The following UBR4 variants were observed in gnomAD, a reference collection of about 807,000 sequenced individuals.
The protein encoded by UBR4 is ubiquitin protein ligase E3 component n-recognin 4.
In UBR4, 124 loss-of-function variants were observed where a neutral mutation model predicts 575.6. The observed-to-expected ratio is 0.22, with a 90% CI of 0.19 to 0.25. The LOEUF (loss-of-function observed/expected upper bound fraction) is 0.25, where lower values mean the gene tolerates loss of function less well. UBR4 is among the 10% of genes least tolerant of loss of function. The pLI, the probability that UBR4 is intolerant of heterozygous loss-of-function variation, is 1.00. For missense variants in UBR4, 4,818 were observed against 6,478.8 expected, an observed-to-expected ratio of 0.74 and a Z score of 8.80; for synonymous variants, 2,455 against 2,473.7, an observed-to-expected ratio of 0.99 and a Z score of 0.22.
intron 20 of UBR4, among the ~76,000 whole-genome samples, chr1:19,175,804 T>G (rs2090183500): frequency 6.6e-6 from 1 of 152,150 alleles, no homozygotes; most frequent in African/African-American, 2.4e-5. Context: ...GTTTTTATGT[T>G]TTTTTTGAGA....
At chr1:19,098,915 G>A (rs6426672) in intron 90 of UBR4, among the ~76,000 whole-genome samples, 1,780 of 152,190 alleles carry the variant, frequency 0.012, 24 homozygotes, top group African/African-American at 0.038. Flanking sequence ...AGAAACAAGA[G>A]AAGGGAAGAA....
chr1:19,195,016 T>C (rs1354783532), intron 8 of UBR4, among the ~76,000 whole-genome samples: 1 of 151,626 alleles, frequency 6.6e-6, no homozygotes, highest in Non-Finnish European at 1.5e-5. Flanking sequence ...ATCCCAGCAC[T>C]TTAGGAGGCC....
At chr1:19,177,925 G>A (rs895489222) in intron 18 of UBR4, among the ~76,000 whole-genome samples, 182 bp from the exon 19 acceptor site, 1 of 152,166 alleles carries the variant, frequency 6.6e-6, no homozygotes, top group Non-Finnish European at 1.5e-5. Flanking sequence ...AAAAAAGTCA[G>A]ACTTGGCCAG....
At chr1:19,127,993 T>TAAGAA (rs1440242310) in intron 62 of UBR4, among the ~76,000 whole-genome samples, 1 of 152,176 alleles carries the variant, frequency 6.6e-6, no homozygotes, top group African/African-American at 2.4e-5. Flanking sequence ...GCCATGAGGG[T>TAAGAA]AAGAACTTCA....
chr1:19,157,887 C>A lies in UBR4; in HGVS notation c.5688G>T (p.Arg1896=). Reference sequence around the variant, plus strand: ...GAGAGGAGAGCACACACATAGCCACCCGCCTGAGCACATGAGCACTGATCA... The same window carrying A: ...GAGAGGAGAGCACACACATAGCCACACGCCTGAGCACATGAGCACTGATCA... ...RQLISAHVLR[R]VAMCVLSSPH... The change falls in exon 40 of 106, where the codon CGG becomes CGT. Residue 1896 remains arginine (R), a synonymous_variant. Coordinates refer to ENST00000375254, the MANE Select transcript of UBR4 (RefSeq NM_020765.3). The surrounding 1 kb of genome is among the most constrained non-coding windows in gnomAD (Gnocchi z 4.4). 6.2e-7 allele frequency: 1 copy of A among 1,614,234 alleles called. No homozygotes were observed.
intron 31 of UBR4, 52 bp from the exon 32 acceptor site, chr1:19,165,049 A>G (rs748437143): frequency 2.5e-6 from 4 of 1,599,128 alleles, no homozygotes; most frequent in Non-Finnish European, 3.4e-6. Context: ...AGAGGAAGAG[A>G]AAGAAGGGGC....
intron 14 of UBR4, 62 bp downstream of exon 14, chr1:19,186,478 T>C: frequency 6.9e-7 from 1 of 1,455,720 alleles, no homozygotes; most frequent in Non-Finnish European, 9.5e-7. Context: ...AGGAATCTGC[T>C]GAGAACACTC....
chr1:19,074,721 G>A lies in UBR4; in HGVS notation c.*111C>T. On this transcript the variant is annotated 3_prime_UTR_variant, in exon 106 of 106. Coordinates refer to ENST00000375254, the MANE Select transcript of UBR4 (RefSeq NM_020765.3). ...ACCAAGAAAAATGAGAGAGGGGAGG[G>A]CGGGGTAACAATGCAGCATCCCGCG... The A allele has an allele frequency of 8.1e-7, 1 of 1,235,080 alleles. No homozygotes were observed. The highest frequency in any genetic ancestry group is 1.2e-6 in the Non-Finnish European group (1 of 860,614). The allele number at this position is 1,235,080 out of a possible 1,614,324, so 76.5% of individuals were successfully genotyped here. A position where few individuals can be genotyped will look rare whatever the true frequency, so the allele number is the denominator to read the frequency against.
At chr1:19,162,175 A>C (rs1412796301) in intron 35 of UBR4, among the ~76,000 whole-genome samples, 1 of 152,202 alleles carries the variant, frequency 6.6e-6, no homozygotes, top group Non-Finnish European at 1.5e-5. Flanking sequence ...CTAAAATTCC[A>C]TTTGGAATTA....
Position 19,155,620 on chromosome 1 carries a change from G to A in UBR4, c.6121C>T (p.Leu2041=), listed in dbSNP as rs769474522. 6 of 1,614,138 alleles carry A rather than the reference G, an allele frequency of 3.7e-6. No individual in the cohort carries two copies. In the Admixed American group the frequency reaches 5.0e-5, roughly 13 times the overall value. ...ACATCTCTTATCTTTGAGCTTGGCAGGAGAAAATAGAAGGTTGGACTCAAG... is the reference window on the plus strand; with the variant it reads ...ACATCTCTTATCTTTGAGCTTGGCAAGAGAAAATAGAAGGTTGGACTCAAG... The part of the protein sequence containing the change: ...DALSPTFYFL[L]PSSKIRDVTF... The change falls in exon 43 of 106, where the codon CTG becomes TTG. Residue 2041 remains leucine, a synonymous_variant. Transcript: ENST00000375254.
At chr1:19,177,426 A>T in intron 19 of UBR4, 35 bp downstream of exon 19, 1 of 1,602,432 alleles carries the variant, frequency 6.2e-7, no homozygotes, top group Non-Finnish European at 8.5e-7. Flanking sequence ...AGTTCTCAGT[A>T]ATGGTGAAGC....
At chr1:19,161,793 C>A in intron 36 of UBR4, 34 bp downstream of exon 36, 2 of 1,614,086 alleles carry the variant, frequency 1.2e-6, no homozygotes, top group Non-Finnish European at 1.7e-6. Context: ...CGGTGCCCAG[C>A]AAATCTTCAC....
Position 19,104,384 on chromosome 1 carries a change from G to T in UBR4, c.12728-127C>A, listed in dbSNP as rs746818556. The T allele has an allele frequency of 3.9e-6, 5 of 1,296,380 alleles. 1 individual carries two copies. Among genetic ancestry groups the T allele is most frequent in the African/African-American group, 1.5e-5 (1 of 67,538 alleles). 80.3% of individuals were successfully genotyped at this position (1,296,380 alleles called of 1,614,324 possible). A position where few individuals can be genotyped will look rare whatever the true frequency, so the allele number is the denominator to read the frequency against. The stretch of plus-strand genomic sequence containing the variant: ...TATCTTTGTGCATGGCACAGAGCAG[G>T]TGTTCAACAAGCGGAAACAGTCAAT... On this transcript the variant is annotated intron_variant, in intron 86 of 105. Transcript: ENST00000375254.
intron 71 of UBR4, 162 bp downstream of exon 71, chr1:19,118,710 G>T: frequency 1.5e-6 from 1 of 665,206 alleles, no homozygotes. Context: ...CCTTCTATTT[G>T]CAAGACCCTG....
At chr1:19,135,722 G>A (rs1392929521) in intron 60 of UBR4, among the ~76,000 whole-genome samples, 1 of 152,008 alleles carries the variant, frequency 6.6e-6, no homozygotes, top group Non-Finnish European at 1.5e-5. Flanking sequence ...AGAATATGAT[G>A]GTCTCACATC....
In UBR4 at chr1:19,089,885, A is replaced by G. The variant is rs541733187; in HGVS notation, c.14212-908T>C. 6.6e-6 allele frequency among the ~76,000 whole-genome samples: 1 copy of G among 151,996 alleles called. No homozygotes were observed. Among genetic ancestry groups the G allele is most frequent in the East Asian group, 1.9e-4 (1 of 5,168 alleles). On this transcript the variant is annotated intron_variant, in intron 97 of 105. Coordinates refer to ENST00000375254, the MANE Select transcript of UBR4 (RefSeq NM_020765.3). The surrounding 1 kb of genome is among the most constrained non-coding windows in gnomAD (Gnocchi z 4.3). ...TCCTAAATGCTGAGCCCATATTTCA[A>G]CTCCTACTGAGCTTTTCCACAGGTA...
chr1:19,106,386 C>T (rs2079199072), intron 83 of UBR4, among the ~76,000 whole-genome samples, 183 bp downstream of exon 83: 1 of 152,128 alleles, frequency 6.6e-6, no homozygotes, highest in Non-Finnish European at 1.5e-5. Context: ...TTCGGCCAGT[C>T]CACCATGCTA....
intron 84 of UBR4, 118 bp from the exon 85 acceptor site, chr1:19,105,307 C>T (rs759750924): frequency 8.0e-7 from 1 of 1,257,122 alleles, no homozygotes; most frequent in Non-Finnish European, 1.1e-6. Context: ...CTCCTGCTTC[C>T]TAGAGGGTGG....
In UBR4 at chr1:19,141,304, T is replaced by C. The variant is rs376733381; in HGVS notation, c.8488+43A>G. Reference sequence around the variant, plus strand: ...GTAACTGCCAAACCCTCTTTTCCTGTGCAAGGCCAATGGGCCGCTTTGTTC... The same window carrying C: ...GTAACTGCCAAACCCTCTTTTCCTGCGCAAGGCCAATGGGCCGCTTTGTTC... On this transcript the variant is annotated intron_variant, in intron 57 of 105. Transcript: ENST00000375254. 4.3e-6 allele frequency: 7 copies of C among 1,613,538 alleles called. No homozygotes were observed. The African/African-American group carries it at 6.7e-5, about 15-fold the overall frequency.
Sources: allele counts gnomAD v4.1 joint callset (sites outside exome capture counted in the v4.1 genomes callset), GRCh38; gene constraint gnomAD v4.1.1; non-coding constraint Gnocchi (gnomAD v3.1); transcripts MANE v1.5; gene names NCBI Gene and HGNC (gene_info 2026-07-23, HGNC 2026-07-21).